RAP1B: variants seen among roughly 807,000 people sequenced by gnomAD.
RAP1B encodes the protein RAP1B, member of RAS oncogene family, also known as ras-related protein Rap-1b.
Under a neutral mutation model 27.5 loss-of-function variants are expected in RAP1B, and 1 was observed. That is an observed-to-expected ratio of 0.04 (90% CI 0.01 to 0.17). The LOEUF is 0.17. Among genes scored for constraint, RAP1B ranks in the 10% least tolerant of loss-of-function variants. RAP1B has a pLI of 1.00. For missense variants in RAP1B, 84 were observed against 214.8 expected, an observed-to-expected ratio of 0.39 and a Z score of 3.81; for synonymous variants, 75 against 73.1, an observed-to-expected ratio of 1.03 and a Z score of -0.13.
intron 1 of RAP1B, among the ~76,000 whole-genome samples, chr12:68,626,386 A>G (rs1015819489): frequency 6.6e-6 from 1 of 152,146 alleles, no homozygotes; most frequent in Non-Finnish European, 1.5e-5. Context: ...ACTAATAGGG[A>G]TATTTCTGTG....
At chr12:68,636,529 G>T (rs1872643661) in intron 1 of RAP1B, among the ~76,000 whole-genome samples, 1 of 152,202 alleles carries the variant, frequency 6.6e-6, no homozygotes, top group Non-Finnish European at 1.5e-5. Flanking sequence ...GTGGGCTTAA[G>T]TGATCCTCCT....
intron 1 of RAP1B, among the ~76,000 whole-genome samples, chr12:68,620,194 T>A (rs1239293842): frequency 4.0e-5 from 6 of 151,358 alleles, no homozygotes; most frequent in Non-Finnish European, 7.4e-5. Flanking sequence ...GTGGTTTTTT[T>A]ATTTTTTTAT....
At chr12:68,618,264 ATTTTTC>A (rs1290922104) in intron 1 of RAP1B, among the ~76,000 whole-genome samples, 2 of 148,870 alleles carry the variant, frequency 1.3e-5, no homozygotes, top group Non-Finnish European at 3.0e-5. Context: ...TTTTTTTTGT[ATTTTTC>A]TTAGAGACGG....
At chr12:68,627,469 G>GCCAA (rs1247540118) in intron 1 of RAP1B, 1 of 298,094 alleles carries the variant, frequency 3.4e-6, no homozygotes, top group East Asian at 7.7e-5. Context: ...TGGTTTGGTA[G>GCCAA]CCAACCACTA....
chr12:68,634,082 A>T (rs942486328), intron 1 of RAP1B, among the ~76,000 whole-genome samples: 3 of 152,204 alleles, frequency 2.0e-5, no homozygotes, highest in Non-Finnish European at 4.4e-5. Context: ...AGAGAGAAGA[A>T]TCCATGACAA....
intron 1 of RAP1B, among the ~76,000 whole-genome samples, chr12:68,645,936 A>G (rs1266132961): frequency 6.6e-6 from 1 of 152,216 alleles, no homozygotes; most frequent in Non-Finnish European, 1.5e-5. Flanking sequence ...TCATGTATTC[A>G]TGTGGTATAT....
chr12:68,661,256 C>A lies in RAP1B; in HGVS notation c.*2007C>A, dbSNP rs1874579143. ...ATAATCATTTGGGAAAAAAATTAAGCCCAAAAAACTGGGACTGTGAAACAC... is the reference window on the plus strand; with the variant it reads ...ATAATCATTTGGGAAAAAAATTAAGACCAAAAAACTGGGACTGTGAAACAC... On this transcript the variant is annotated 3_prime_UTR_variant, in exon 8 of 8. Transcript: ENST00000250559. 1 of 152,030 alleles carries A rather than the reference C, an allele frequency of 6.6e-6. No homozygotes were observed. Among genetic ancestry groups the A allele is most frequent in the South Asian group, 2.1e-4 (1 of 4,822 alleles). The allele number at this position is 152,030 out of a possible 1,614,324, so 9.4% of individuals were successfully genotyped here.
chr12:68,642,376 G>GA (rs1447298037), intron 1 of RAP1B: 62 of 431,958 alleles, frequency 1.4e-4, no homozygotes, highest in African/African-American at 1.1e-3. Flanking sequence ...GAAGTTAAAT[G>GA]AAACTGAGTT....
chr12:68,612,396 T>C (rs547148044), intron 1 of RAP1B, among the ~76,000 whole-genome samples: 2 of 152,338 alleles, frequency 1.3e-5, no homozygotes, highest in African/African-American at 4.8e-5. Flanking sequence ...ATAGTATTTA[T>C]TGAGTCATAG....
In RAP1B at chr12:68,662,993, A is replaced by G. The variant is rs2049566246; in HGVS notation, c.*3744A>G. 1 of 151,948 alleles carries G rather than the reference A, an allele frequency of 6.6e-6. No individual in the cohort carries two copies. Among genetic ancestry groups the G allele is most frequent in the Admixed American group, 6.6e-5 (1 of 15,226 alleles). The allele number at this position is 151,948 out of a possible 1,614,324, so 9.4% of individuals were successfully genotyped here. ...GCAATAGAGTGAGACCCTGTCTTAG[A>G]AAAAAAAGATAAATAAGTCTGTTCT... On this transcript the variant is annotated 3_prime_UTR_variant, in exon 8 of 8. Transcript: ENST00000250559.
At chr12:68,618,575 T>G (rs1038457626) in intron 1 of RAP1B, among the ~76,000 whole-genome samples, 1 of 152,236 alleles carries the variant, frequency 6.6e-6, no homozygotes, top group African/African-American at 2.4e-5. Context: ...AGTGCAAAAC[T>G]ATTTTTATAA....
At chr12:68,654,018 ATTC>A (rs1214857323) in intron 4 of RAP1B, 91 bp from the exon 5 acceptor site, 9 of 1,042,638 alleles carry the variant, frequency 8.6e-6, no homozygotes, top group Non-Finnish European at 1.3e-5. Context: ...ATACTACAGT[ATTC>A]TTCATTGAGC....
Position 68,663,002 on chromosome 12 carries a change from A to ATAT in RAP1B, c.*3755_*3756insTTA, listed in dbSNP as rs1197996112. On this transcript the variant is annotated 3_prime_UTR_variant, in exon 8 of 8. Transcript: ENST00000250559. ...TGAGACCCTGTCTTAGAAAAAAAAG[A>ATAT]TAAATAAGTCTGTTCTATTTGTTAC... The ATAT allele has an allele frequency of 6.6e-6, 1 of 151,838 alleles. No individual in the cohort carries two copies. The highest frequency in any genetic ancestry group is 1.5e-5 in the Non-Finnish European group (1 of 67,966). The allele number at this position is 151,838 out of a possible 1,614,324, so 9.4% of individuals were successfully genotyped here.
At chr12:68,614,956 T>C (rs1364732009) in intron 1 of RAP1B, among the ~76,000 whole-genome samples, 1 of 152,234 alleles carries the variant, frequency 6.6e-6, no homozygotes, top group Admixed American at 6.5e-5. Context: ...GATTTGTATG[T>C]AATCTGTTGT....
intron 1 of RAP1B, among the ~76,000 whole-genome samples, chr12:68,621,658 G>A (rs1395055855): frequency 2.6e-5 from 4 of 152,164 alleles, no homozygotes; most frequent in African/African-American, 9.7e-5. Flanking sequence ...GTTAAGTGCA[G>A]GACTACTGTT....
At chr12:68,613,618 A>G (rs1475286707) in intron 1 of RAP1B, among the ~76,000 whole-genome samples, 2 of 152,186 alleles carry the variant, frequency 1.3e-5, no homozygotes, top group African/African-American at 4.8e-5. Context: ...GCCTTGCAAT[A>G]GACATTCAAC....
At position 68,644,686 on chromosome 12, in the gene RAP1B, CTTTTTTT is replaced by C. The variant is rs535569981; in HGVS notation, c.-26-3999_-26-3993del. 6.1e-3 allele frequency among the ~76,000 whole-genome samples: 665 copies of C among 109,108 alleles called. 3 individuals carry two copies. The highest frequency in any genetic ancestry group is 9.1e-3 in the Non-Finnish European group (499 of 55,040). 71.6% of individuals were successfully genotyped at this position (109,108 alleles called of 152,430 possible). On this transcript the variant is annotated intron_variant, in intron 1 of 7. Transcript: ENST00000250559. ...ATTGTTACTCTTATTTTAAAAGTTA[CTTTTTTT>C]TTTTTTTTTTTTTGAGATGGAGTCT...
Position 68,663,004 on chromosome 12 carries a change from A to G in RAP1B, c.*3755A>G. ...AGACCCTGTCTTAGAAAAAAAAGAT[A>G]AATAAGTCTGTTCTATTTGTTACAG... On this transcript the variant is annotated 3_prime_UTR_variant, in exon 8 of 8. Coordinates refer to ENST00000250559, the MANE Select transcript of RAP1B (RefSeq NM_001010942.3). 1 of 152,028 alleles carries G rather than the reference A, an allele frequency of 6.6e-6. No homozygotes were observed. The highest frequency in any genetic ancestry group is 2.4e-5 in the African/African-American group (1 of 41,422). The allele number at this position is 152,028 out of a possible 1,614,324, so 9.4% of individuals were successfully genotyped here. A position where few individuals can be genotyped will look rare whatever the true frequency, so the allele number is the denominator to read the frequency against.
intron 1 of RAP1B, among the ~76,000 whole-genome samples, chr12:68,615,460 G>A (rs937791658): frequency 3.9e-5 from 6 of 151,976 alleles, no homozygotes; most frequent in African/African-American, 1.5e-4. Context: ...GTAGTGGGAG[G>A]TGCCTGTAAT....
Sources: allele counts gnomAD v4.1 joint callset (sites outside exome capture counted in the v4.1 genomes callset), GRCh38; gene constraint gnomAD v4.1.1; transcripts MANE v1.5; gene names NCBI Gene and HGNC (gene_info 2026-07-23, HGNC 2026-07-21).